CSN2: variants seen among roughly 807,000 people sequenced by gnomAD.
The protein encoded by CSN2 is beta-casein.
A neutral mutation model predicts 27.3 loss-of-function variants in CSN2; 27 were observed. The observed-to-expected ratio is 0.99, with a 90% confidence interval of 0.73 to 1.36. The LOEUF is 1.36. CSN2 is among the 40% of genes most tolerant of loss of function. The pLI is 0.00. For synonymous variants in CSN2, 131 were observed against 94.8 expected (o/e 1.38, Z -2.22); for missense variants, 333 against 264.5 (o/e 1.26, Z -1.80).
chr4:69,956,902 G>T lies in CSN2; in HGVS notation c.675+372C>A, dbSNP rs191872841. 2.2e-4 allele frequency among the ~76,000 whole-genome samples: 34 copies of T among 152,168 alleles called. No individual in the cohort carries two copies. In the East Asian group the frequency reaches 6.4e-3, roughly 29 times the overall value. On this transcript the variant is annotated intron_variant, in intron 6 of 7. Coordinates refer to ENST00000353151, the MANE Select transcript of CSN2 (RefSeq NM_001891.4). ...TAGGCATTGGGATTTGTGGGGAAAA[G>T]TTCTCCAGGTGATTCTATTGTATAG...
At position 69,957,523 on chromosome 4, in the gene CSN2, A is replaced by C. The variant is rs1401831339; in HGVS notation, c.426T>G (p.Pro142=). ...GCATCAAGGGCTGGAGCAGAGGCAG[A>C]GGAAGATGCAGATTTTCAAGATCAG... The part of the protein sequence containing the change: ...KLTDLENLHL[P]LPLLQPLMQQ... Residue 142 remains proline (P), a synonymous_variant, in exon 6 of 8, where the codon CCT becomes CCG. Transcript: ENST00000353151. 1.9e-6 allele frequency: 3 copies of C among 1,613,986 alleles called. 1 individual carries two copies. In the South Asian group the frequency reaches 3.3e-5, roughly 18 times the overall value.
At chr4:69,962,372 G>T (rs977492100) in intron 1 of CSN2, among the ~76,000 whole-genome samples, 5 of 152,070 alleles carry the variant, frequency 3.3e-5, no homozygotes, top group Non-Finnish European at 5.9e-5. Flanking sequence ...CATGGTACTT[G>T]GTACCAAAAC....
At chr4:69,963,807 A>G (rs1282064283) in intron 1 of CSN2, among the ~76,000 whole-genome samples, 3 of 152,190 alleles carry the variant, frequency 2.0e-5, no homozygotes, top group African/African-American at 4.8e-5. Flanking sequence ...ATTTCTTTAG[A>G]ATCTGTTCTT....
Position 69,960,960 on chromosome 4 carries a change from A to C in CSN2, c.36T>G (p.Leu12=). The change falls in exon 2 of 8, where the codon CTT becomes CTG. Residue 12 remains leucine (L), a synonymous_variant. Coordinates refer to ENST00000353151, the MANE Select transcript of CSN2 (RefSeq NM_001891.4). ...KVLILACLVA[L]ALARETIESL... Reference sequence around the variant, plus strand: ...GTGCACATACCTCCCTTGCAAGAGCAAGAGCCACCAGGCAGGCGAGGATGA... The same window carrying C: ...GTGCACATACCTCCCTTGCAAGAGCCAGAGCCACCAGGCAGGCGAGGATGA... 6.2e-7 allele frequency: 1 copy of C among 1,612,958 alleles called. No homozygotes were observed. Among genetic ancestry groups the C allele is most frequent in the East Asian group, 2.2e-5 (1 of 44,856 alleles).
At chr4:69,962,758 T>C (rs1292677966) in intron 1 of CSN2, among the ~76,000 whole-genome samples, 3 of 152,094 alleles carry the variant, frequency 2.0e-5, no homozygotes, top group East Asian at 1.9e-4. Flanking sequence ...ACTAAAGAAC[T>C]TCTGCACAGC....
At chr4:69,964,712 T>C (rs932037866) in intron 1 of CSN2, among the ~76,000 whole-genome samples, 1 of 150,646 alleles carries the variant, frequency 6.6e-6, no homozygotes, top group Non-Finnish European at 1.5e-5. Context: ...CAGCATTTTC[T>C]ATATTTTATA....
chr4:69,957,113 C>A (rs931060850), intron 6 of CSN2, among the ~76,000 whole-genome samples, 161 bp downstream of exon 6: 1 of 152,080 alleles, frequency 6.6e-6, no homozygotes, highest in Admixed American at 6.6e-5. Flanking sequence ...TGTAACTAAC[C>A]TGCATGTTGT....
At chr4:69,960,621 A>G (rs1039866334) in intron 2 of CSN2, among the ~76,000 whole-genome samples, 1 of 152,032 alleles carries the variant, frequency 6.6e-6, no homozygotes, top group Admixed American at 6.6e-5. Context: ...GGAATAAGAT[A>G]TATTTATCTA....
At chr4:69,958,206 T>C (rs1723465491) in intron 5 of CSN2, among the ~76,000 whole-genome samples, 1 of 152,124 alleles carries the variant, frequency 6.6e-6, no homozygotes, top group African/African-American at 2.4e-5. Context: ...TTAAAAAGAC[T>C]TAGAGGGACA....
At chr4:69,964,880 A>G (rs1353150585) in intron 1 of CSN2, among the ~76,000 whole-genome samples, 1 of 150,784 alleles carries the variant, frequency 6.6e-6, no homozygotes, top group East Asian at 1.9e-4. Flanking sequence ...TACTATAAAT[A>G]TACTACATAC....
chr4:69,960,852 T>C (rs1313295022), intron 2 of CSN2, 93 bp downstream of exon 2: 2 of 970,604 alleles, frequency 2.1e-6, no homozygotes, highest in Non-Finnish European at 3.3e-6. Flanking sequence ...TCATTATTTA[T>C]ACAGTAAAAA....
chr4:69,962,779 A>G (rs1316118932), intron 1 of CSN2, among the ~76,000 whole-genome samples: 1 of 152,210 alleles, frequency 6.6e-6, no homozygotes, highest in African/African-American at 2.4e-5. Flanking sequence ...AAAAGAAACT[A>G]CCATCAGAGT....
chr4:69,958,741 C>G (rs1723479362), intron 5 of CSN2, among the ~76,000 whole-genome samples, 168 bp downstream of exon 5: 1 of 151,812 alleles, frequency 6.6e-6, no homozygotes, highest in African/African-American at 2.4e-5. Flanking sequence ...GCATGCATAT[C>G]CTAGAAAATA....
intron 1 of CSN2, among the ~76,000 whole-genome samples, chr4:69,962,912 A>G (rs1361507845): frequency 6.6e-6 from 1 of 152,216 alleles, no homozygotes; most frequent in Non-Finnish European, 1.5e-5. Flanking sequence ...AACCCCATCA[A>G]AAAGTGGGCA....
intron 1 of CSN2, among the ~76,000 whole-genome samples, chr4:69,961,711 T>C (rs994282710): frequency 6.6e-6 from 1 of 152,112 alleles, no homozygotes; most frequent in Admixed American, 6.5e-5. Flanking sequence ...CTATTCAACA[T>C]AGTGTTGGAA....
chr4:69,958,885 A>G (rs755585376), intron 5 of CSN2, 24 bp downstream of exon 5: 17 of 1,475,056 alleles, frequency 1.2e-5, no homozygotes, highest in South Asian at 5.9e-5. Flanking sequence ...AATTTTAAAC[A>G]TATACTTATC....
rs148636949 is a variant in CSN2 at position 69,957,400 on chromosome 4, C to T, written c.549G>A (p.Val183=). 6.2e-7 allele frequency: 1 copy of T among 1,613,418 alleles called. No homozygotes were observed. Among genetic ancestry groups the T allele is most frequent in the Admixed American group, 1.7e-5 (1 of 59,834 alleles). ...QPKVLPIPQQ[V]VPYPQRAVPV... ...GCACAGCTCTCTGAGGGTAGGGCAC[C>T]ACTTGCTGGGGGATAGGCAGGACTT... The change falls in exon 6 of 8, where the codon GTG becomes GTA. Residue 183 remains valine (V), a synonymous_variant. Transcript: ENST00000353151.
At chr4:69,965,209 T>G (rs911987902) in intron 1 of CSN2, among the ~76,000 whole-genome samples, 1 of 151,282 alleles carries the variant, frequency 6.6e-6, no homozygotes, top group Non-Finnish European at 1.5e-5. Flanking sequence ...AATGCCCCCA[T>G]ACCATTCCCT....
chr4:69,963,997 G>A (rs542961970), intron 1 of CSN2, among the ~76,000 whole-genome samples: 1 of 122,132 alleles, frequency 8.2e-6, no homozygotes, highest in South Asian at 2.3e-4. Context: ...GACTATTTTA[G>A]TTTATTTCTC....
Sources: allele counts gnomAD v4.1 joint callset (sites outside exome capture counted in the v4.1 genomes callset), GRCh38; gene constraint gnomAD v4.1.1; transcripts MANE v1.5; gene names NCBI Gene and HGNC (gene_info 2026-07-23, HGNC 2026-07-21).